KCNH8: variants seen among roughly 807,000 people sequenced by gnomAD.
KCNH8 encodes potassium voltage-gated channel subfamily H member 8, also known as voltage-gated delayed rectifier potassium channel KCNH8.
Under a neutral mutation model 103.6 loss-of-function variants are expected in KCNH8, and 70 were observed. The observed-to-expected ratio is 0.68, with a 90% CI of 0.56 to 0.82. The LOEUF is 0.82. KCNH8 is among the 40% of genes least tolerant of loss of function. KCNH8 has a pLI of 0.00. For missense variants in KCNH8, 1,217 were observed against 1,329.9 expected, an observed-to-expected ratio of 0.92 and a Z score of 1.32; for synonymous variants, 498 against 489.4, an observed-to-expected ratio of 1.02 and a Z score of -0.23.
intron 2 of KCNH8, among the ~76,000 whole-genome samples, chr3:19,269,634 A>T (rs774726193): frequency 6.6e-6 from 1 of 152,076 alleles, no homozygotes; most frequent in Non-Finnish European, 1.5e-5. Flanking sequence ...GACTCTGTGT[A>T]GACTCAGACC....
At chr3:19,249,665 GTAAC>G (rs1017934731) in intron 1 of KCNH8, among the ~76,000 whole-genome samples, 6 of 152,098 alleles carry the variant, frequency 3.9e-5, no homozygotes, top group Admixed American at 2.6e-4. Context: ...AATGAAGCAA[GTAAC>G]TAAGAAATAT....
chr3:19,241,119 CTGTT>C (rs1273247594), intron 1 of KCNH8, among the ~76,000 whole-genome samples: 2 of 152,136 alleles, frequency 1.3e-5, no homozygotes, highest in African/African-American at 2.4e-5. Context: ...TTCCTTTTGT[CTGTT>C]TGCGTTTGTC....
intron 11 of KCNH8, among the ~76,000 whole-genome samples, chr3:19,507,828 G>A (rs376872007): frequency 6.6e-6 from 1 of 152,214 alleles, no homozygotes; most frequent in Non-Finnish European, 1.5e-5. Context: ...GGCAAGGGCT[G>A]CAAGACAGCA....
At chr3:19,454,431 ACTTTCT>A (rs1432662909) in intron 10 of KCNH8, among the ~76,000 whole-genome samples, 1 of 152,142 alleles carries the variant, frequency 6.6e-6, no homozygotes, top group Non-Finnish European at 1.5e-5. Context: ...GGGCATCTAG[ACTTTCT>A]CTTTAGCATC....
intron 1 of KCNH8, among the ~76,000 whole-genome samples, chr3:19,168,629 C>G (rs1234688174): frequency 6.6e-6 from 1 of 152,132 alleles, no homozygotes; most frequent in East Asian, 1.9e-4. Context: ...AGCCAACAGA[C>G]TTGGGTAAAT....
chr3:19,483,857 C>G (rs1362396276), intron 11 of KCNH8, among the ~76,000 whole-genome samples: 2 of 151,136 alleles, frequency 1.3e-5, no homozygotes, highest in Admixed American at 6.6e-5. Context: ...TCCCTTAGTA[C>G]AGGAAGGGCC....
chr3:19,192,979 G>A (rs1015753568), intron 1 of KCNH8, among the ~76,000 whole-genome samples: 3 of 151,584 alleles, frequency 2.0e-5, no homozygotes, highest in Non-Finnish European at 4.4e-5. Flanking sequence ...TTAAGGGCAA[G>A]ATTGTCAGTG....
At chr3:19,408,290 A>C (rs1028906237) in intron 7 of KCNH8, among the ~76,000 whole-genome samples, 4 of 152,238 alleles carry the variant, frequency 2.6e-5, no homozygotes, top group African/African-American at 9.6e-5. Flanking sequence ...CACAGCCCCT[A>C]GGGTGGAAGG....
At chr3:19,223,290 A>G (rs551394877) in intron 1 of KCNH8, among the ~76,000 whole-genome samples, 2 of 152,284 alleles carry the variant, frequency 1.3e-5, no homozygotes, top group East Asian at 1.9e-4. Context: ...CATATGGTCA[A>G]AATTACCTAC....
intron 3 of KCNH8, among the ~76,000 whole-genome samples, chr3:19,314,448 T>C (rs1432969405): frequency 1.3e-5 from 2 of 151,904 alleles, no homozygotes; most frequent in African/African-American, 4.8e-5. Flanking sequence ...TGAGCACCTA[T>C]AGTCTTAGCT....
chr3:19,442,676 T>C (rs955799804), intron 8 of KCNH8, among the ~76,000 whole-genome samples: 6 of 152,184 alleles, frequency 3.9e-5, no homozygotes, highest in Non-Finnish European at 7.4e-5. Context: ...AAACTATTCA[T>C]TTGAAAGTCA....
chr3:19,192,814 T>G (rs2063566209), intron 1 of KCNH8, among the ~76,000 whole-genome samples: 1 of 151,622 alleles, frequency 6.6e-6, no homozygotes, highest in Non-Finnish European at 1.5e-5. Flanking sequence ...TTTGATCCCA[T>G]TATATTTATT....
At chr3:19,368,780 C>T (rs767890323) in intron 5 of KCNH8, among the ~76,000 whole-genome samples, 3 of 151,946 alleles carry the variant, frequency 2.0e-5, no homozygotes, top group African/African-American at 7.2e-5. Flanking sequence ...CCCTGATTCC[C>T]TTGGGCTGAT....
Position 19,534,239 on chromosome 3 carries a change from G to A in KCNH8, c.*140G>A, listed in dbSNP as rs990913102. 6.1e-5 allele frequency: 39 copies of A among 638,144 alleles called. No individual in the cohort carries two copies. Among genetic ancestry groups the A allele is most frequent in the Middle Eastern group, 3.2e-4 (1 of 3,126 alleles). The allele number at this position is 638,144 out of a possible 1,614,324, so 39.5% of individuals were successfully genotyped here. A position where few individuals can be genotyped will look rare whatever the true frequency, so the allele number is the denominator to read the frequency against. On this transcript the variant is annotated 3_prime_UTR_variant, in exon 16 of 16. Transcript: ENST00000328405. Reference sequence around the variant, plus strand: ...AAAAGAGTGTGAGGAGCCAGGGAAAGGCAGAACCACCTCCATGCTGTAGCA... The same window carrying A: ...AAAAGAGTGTGAGGAGCCAGGGAAAAGCAGAACCACCTCCATGCTGTAGCA...
At chr3:19,312,492 T>C (rs2065220171) in intron 3 of KCNH8, among the ~76,000 whole-genome samples, 3 of 151,876 alleles carry the variant, frequency 2.0e-5, no homozygotes, top group Admixed American at 6.6e-5. Context: ...TCGGAATATA[T>C]TGGATTATAT....
Position 19,462,174 on chromosome 3 carries a change from G to T in KCNH8, c.2040+5192G>T, listed in dbSNP as rs149169615. Reference sequence around the variant, plus strand: ...ATATACCCAATAATGGGATCACTGGGTCAAATGGTATTTCTGGTTTTAGAT... The same window carrying T: ...ATATACCCAATAATGGGATCACTGGTTCAAATGGTATTTCTGGTTTTAGAT... On this transcript the variant is annotated intron_variant, in intron 11 of 15. Coordinates refer to ENST00000328405, the MANE Select transcript of KCNH8 (RefSeq NM_144633.3). 4.4e-3 allele frequency among the ~76,000 whole-genome samples: 672 copies of T among 152,262 alleles called. 5 individuals carry two copies. Among genetic ancestry groups the T allele is most frequent in the South Asian group, 0.02 (94 of 4,818 alleles).
intron 1 of KCNH8, 44 bp downstream of exon 1, chr3:19,148,839 T>C: frequency 1.9e-6 from 3 of 1,540,342 alleles, no homozygotes; most frequent in Admixed American, 1.7e-5. Flanking sequence ...TTTCTGAGAC[T>C]GATTTTTCTC....
chr3:19,456,332 A>G (rs1365991793), intron 10 of KCNH8, among the ~76,000 whole-genome samples: 2 of 152,080 alleles, frequency 1.3e-5, no homozygotes, highest in African/African-American at 4.8e-5. Flanking sequence ...CTGATAAAAC[A>G]GACTTGTATT....
intron 5 of KCNH8, among the ~76,000 whole-genome samples, chr3:19,356,672 A>G (rs144666158): frequency 2.6e-5 from 4 of 152,064 alleles, no homozygotes; most frequent in African/African-American, 7.2e-5. Context: ...ATCGAATCCA[A>G]TCTTTCTTAC....
Sources: gnomAD v4.1 joint callset for allele counts (sites outside exome capture counted in the v4.1 genomes callset) on GRCh38, gnomAD v4.1.1 for gene constraint, MANE v1.5 for transcripts, NCBI Gene and HGNC (gene_info 2026-07-23, HGNC 2026-07-21) for gene names.